The following BLM variants were observed in gnomAD, a reference collection of about 807,000 sequenced individuals.
The protein encoded by BLM is recQ-like DNA helicase BLM.
Under a neutral mutation model 135.3 loss-of-function variants are expected in BLM, and 95 were observed. The observed-to-expected ratio is 0.70, with a 90% confidence interval of 0.59 to 0.83. The LOEUF (loss-of-function observed/expected upper bound fraction) is 0.83, where lower values mean the gene tolerates loss of function less well. BLM is among the 40% of genes least tolerant of loss of function. The pLI, the probability that BLM is intolerant of heterozygous loss-of-function variation, is 0.00. For missense variants in BLM, 1,518 were observed against 1,663.9 expected, an observed-to-expected ratio of 0.91 and a Z score of 1.53; for synonymous variants, 520 against 589.2, an observed-to-expected ratio of 0.88 and a Z score of 1.70.
At chr15:90,802,890 T>C (rs1897195725) in intron 17 of BLM, among the ~76,000 whole-genome samples, 1 of 152,216 alleles carries the variant, frequency 6.6e-6, no homozygotes, top group Non-Finnish European at 1.5e-5. Flanking sequence ...ATGTGCTTAC[T>C]TCACACTGTA....
chr15:90,766,469 C>T (rs1228888723), intron 9 of BLM, among the ~76,000 whole-genome samples: 1 of 151,788 alleles, frequency 6.6e-6, no homozygotes, highest in East Asian at 1.9e-4. Context: ...GTTCTGTTGC[C>T]CAGGCTGGAG....
chr15:90,759,978 C>G, intron 5 of BLM, 169 bp from the exon 6 acceptor site: 1 of 329,308 alleles, frequency 3.0e-6, no homozygotes, highest in African/African-American at 2.6e-5. Flanking sequence ...TTTTTAGTGA[C>G]AGGGTCTCAC....
chr15:90,785,018 T>C lies in BLM; in HGVS notation c.2760T>C (p.Ala920=), dbSNP rs1321253830. 1 of 1,614,190 alleles carries C rather than the reference T, an allele frequency of 6.2e-7. No individual in the cohort carries two copies. The highest frequency in any genetic ancestry group is 1.7e-5 in the Admixed American group (1 of 60,014). ...RDGLAALAYH[A]GLSDSARDEV... The stretch of plus-strand genomic sequence containing the variant: ...GGCTCGCTGCTCTTGCTTACCATGC[T>C]GGCCTCAGTGATTCTGCCAGAGATG... Residue 920 remains alanine, a synonymous_variant, in exon 14 of 22, where the codon GCT becomes GCC. Transcript: ENST00000355112.
At chr15:90,808,941 G>A (rs1897343053) in intron 19 of BLM, 196 bp from the exon 20 acceptor site, 2 of 682,860 alleles carry the variant, frequency 2.9e-6, no homozygotes, top group Admixed American at 4.8e-5. Flanking sequence ...GGAATTGGAT[G>A]GTGGGTTCCT....
At chr15:90,776,240 G>A (rs1460272137) in intron 12 of BLM, among the ~76,000 whole-genome samples, 3 of 151,940 alleles carry the variant, frequency 2.0e-5, no homozygotes, top group Non-Finnish European at 4.4e-5. Flanking sequence ...TCAAATTTGT[G>A]GTAAGCAAAG....
intron 1 of BLM, 129 bp downstream of exon 1, chr15:90,717,569 C>T (rs1894639399): frequency 6.6e-6 from 1 of 152,604 alleles, no homozygotes; most frequent in South Asian, 2.1e-4. Context: ...CCCGCTGAGT[C>T]CTCTAGTCTG....
chr15:90,776,386 G>T (rs1896477542), intron 12 of BLM, among the ~76,000 whole-genome samples: 1 of 152,126 alleles, frequency 6.6e-6, no homozygotes, highest in South Asian at 2.1e-4. Context: ...CTTTCAACAA[G>T]AATCTTGTTC....
At chr15:90,738,455 TCC>T (rs1391723468) in intron 1 of BLM, among the ~76,000 whole-genome samples, 1 of 152,080 alleles carries the variant, frequency 6.6e-6, no homozygotes, top group African/African-American at 2.4e-5. Flanking sequence ...TTTGCTGTGG[TCC>T]CAGCTACTCC....
At chr15:90,754,618 G>A (rs1404743644) in intron 4 of BLM, among the ~76,000 whole-genome samples, 193 bp from the exon 5 acceptor site, 1 of 152,176 alleles carries the variant, frequency 6.6e-6, no homozygotes, top group Admixed American at 6.5e-5. Flanking sequence ...AGATAATGTT[G>A]AAAAGGGCTC....
intron 1 of BLM, among the ~76,000 whole-genome samples, chr15:90,722,863 G>T (rs530369606): frequency 6.6e-6 from 1 of 152,004 alleles, no homozygotes; most frequent in Non-Finnish European, 1.5e-5. Context: ...ATTTTGAGAC[G>T]GAGTTTTGCT....
At chr15:90,797,305 A>G (rs994863181) in intron 16 of BLM, among the ~76,000 whole-genome samples, 3 of 150,978 alleles carry the variant, frequency 2.0e-5, no homozygotes, top group Admixed American at 1.3e-4. Context: ...AACCCCAGCT[A>G]CTCAGGAGGC....
chr15:90,756,356 GC>G (rs548425762), intron 5 of BLM, among the ~76,000 whole-genome samples: 2,481 of 152,156 alleles, frequency 0.016, 33 homozygotes, highest in South Asian at 0.038. Context: ...GCCCACCTCG[GC>G]CCCCCAAAGT....
At chr15:90,727,828 A>C (rs1412150482) in intron 1 of BLM, among the ~76,000 whole-genome samples, 1 of 151,996 alleles carries the variant, frequency 6.6e-6, no homozygotes, top group Non-Finnish European at 1.5e-5. Context: ...TGTGAGTACA[A>C]CTGTACACTG....
chr15:90,813,123 G>A (rs541113397), intron 21 of BLM, among the ~76,000 whole-genome samples: 3 of 152,264 alleles, frequency 2.0e-5, no homozygotes, highest in Non-Finnish European at 2.9e-5. Flanking sequence ...ACACTGGCCT[G>A]CCCACACCTG....
At position 90,799,766 on chromosome 15, in the gene BLM, C is replaced by T. The variant is rs1471105610; in HGVS notation, c.3358+1429C>T. On this transcript the variant is annotated intron_variant, in intron 17 of 21. Coordinates refer to ENST00000355112, the MANE Select transcript of BLM (RefSeq NM_000057.4). ...TGATGGGGCCTGCAAATTAAACCAA[C>T]AAAAAACAGATTAGCAAGGGAAAAG... Among the ~76,000 whole-genome samples the T allele has an allele frequency of 2.6e-5, 4 of 151,190 alleles. No homozygotes were observed. In the East Asian group the frequency reaches 7.7e-4, roughly 29 times the overall value.
At chr15:90,802,010 C>G (rs1365181685) in intron 17 of BLM, among the ~76,000 whole-genome samples, 2 of 152,122 alleles carry the variant, frequency 1.3e-5, no homozygotes, top group African/African-American at 4.8e-5. Flanking sequence ...GAGCTGTGAT[C>G]CCGCCACTGC....
intron 14 of BLM, among the ~76,000 whole-genome samples, chr15:90,789,362 C>G (rs1010095507): frequency 2.6e-5 from 4 of 152,208 alleles, no homozygotes; most frequent in Middle Eastern, 3.2e-3. Context: ...CTTGCATCCT[C>G]ATCTGGAGGC....
In BLM at chr15:90,815,283, C is replaced by G; in HGVS notation, c.*4C>G. 1 of 1,613,340 alleles carries G rather than the reference C, an allele frequency of 6.2e-7. No homozygotes were observed. The highest frequency in any genetic ancestry group is 1.1e-5 in the South Asian group (1 of 91,062). ...GCCTTCATATGCATTCTCATAACAA[C>G]CGAATCTCAATGTACATAGACCCTC... On this transcript the variant is annotated 3_prime_UTR_variant, in exon 22 of 22. Transcript: ENST00000355112. This position sits in a 1 kb window ranked among gnomAD's most constrained non-coding sequence, Gnocchi z 4.6.
intron 3 of BLM, among the ~76,000 whole-genome samples, chr15:90,751,298 T>G (rs1280032499): frequency 2.0e-5 from 3 of 152,204 alleles, no homozygotes; most frequent in Non-Finnish European, 2.9e-5. Flanking sequence ...GATGCCTCTG[T>G]TTCTGAAGGG....
Sources: gnomAD v4.1 joint callset for allele counts (sites outside exome capture counted in the v4.1 genomes callset) on GRCh38, gnomAD v4.1.1 for gene constraint, Gnocchi (gnomAD v3.1) non-coding constraint, MANE v1.5 for transcripts, NCBI Gene and HGNC (gene_info 2026-07-23, HGNC 2026-07-21) for gene names.